Variants in NOL4L observed in about 807,000 individuals in gnomAD.
The protein encoded by NOL4L is nucleolar protein 4-like.
NOL4L carries 7 observed loss-of-function variants against 64.5 expected under a neutral mutation model. That is an observed-to-expected ratio of 0.11 (90% CI 0.06 to 0.20). The LOEUF is 0.20. Ranked by LOEUF, NOL4L falls within the 10% of genes least tolerant of loss-of-function variation. NOL4L has a pLI of 1.00. For synonymous variants in NOL4L, 413 were observed against 401.0 expected (o/e 1.03, Z -0.36); for missense variants, 680 against 967.1 (o/e 0.70, Z 3.94).
At chr20:32,518,875 C>G (rs2017797940) in intron 3 of NOL4L, among the ~76,000 whole-genome samples, 1 of 152,238 alleles carries the variant, frequency 6.6e-6, no homozygotes, top group Non-Finnish European at 1.5e-5. Flanking sequence ...TGGCCAGGGG[C>G]AGCCCACGTG....
intron 1 of NOL4L, among the ~76,000 whole-genome samples, chr20:32,534,759 T>C (rs760644845): frequency 2.6e-5 from 4 of 150,972 alleles, no homozygotes; most frequent in Admixed American, 6.6e-5. Flanking sequence ...CATTCGACTG[T>C]AGTCCCAGGT....
At chr20:32,477,078 G>A (rs570511981) in intron 4 of NOL4L, among the ~76,000 whole-genome samples, 5 of 152,314 alleles carry the variant, frequency 3.3e-5, no homozygotes, top group Admixed American at 6.5e-5. Context: ...TGGCAGGGCC[G>A]TACCTGCCAT....
At chr20:32,550,757 G>C (rs2018790024) in intron 1 of NOL4L, among the ~76,000 whole-genome samples, 1 of 152,122 alleles carries the variant, frequency 6.6e-6, no homozygotes, top group Non-Finnish European at 1.5e-5. Context: ...GCGTGTGCCT[G>C]TAATCCCAGC....
chr20:32,562,733 G>A (rs1426170319), intron 1 of NOL4L, among the ~76,000 whole-genome samples: 4 of 151,530 alleles, frequency 2.6e-5, no homozygotes, highest in South Asian at 2.1e-4. Context: ...ACAGCTTCCC[G>A]GCTGGCACTC....
chr20:32,468,521 C>T (rs961452170), intron 5 of NOL4L, among the ~76,000 whole-genome samples: 2 of 152,164 alleles, frequency 1.3e-5, no homozygotes, highest in East Asian at 3.9e-4. Flanking sequence ...AGTGCTAGGG[C>T]CTGGGGATAA....
chr20:32,513,229 C>T (rs1008152196), intron 3 of NOL4L, among the ~76,000 whole-genome samples: 7 of 152,094 alleles, frequency 4.6e-5, no homozygotes, highest in Non-Finnish European at 8.8e-5. Context: ...GTGACAGGGC[C>T]GAGGTCCAGG....
intron 1 of NOL4L, chr20:32,535,823 G>T (rs1401681125): frequency 1.7e-5 from 17 of 985,576 alleles, no homozygotes; most frequent in Non-Finnish European, 2.0e-5. Context: ...AGAAGGAGAG[G>T]GGCTGGGGAA....
chr20:32,459,013 C>G (rs1055458119), intron 5 of NOL4L, among the ~76,000 whole-genome samples: 1 of 152,250 alleles, frequency 6.6e-6, no homozygotes, highest in Non-Finnish European at 1.5e-5. Flanking sequence ...GGCTGTGCCC[C>G]CGGCTGCCTG....
chr20:32,494,253 GA>G (rs566317193), intron 4 of NOL4L, among the ~76,000 whole-genome samples: 23 of 22,060 alleles, frequency 1.0e-3, no homozygotes, highest in Non-Finnish European at 1.6e-3. Flanking sequence ...ATAATCTCGG[GA>G]AAAAAAAAAA....
intron 3 of NOL4L, 130 bp from the exon 4 acceptor site, chr20:32,511,586 A>C: frequency 1.7e-6 from 1 of 574,738 alleles, no homozygotes; most frequent in Non-Finnish European, 3.1e-6. Flanking sequence ...GAGGTCGCAG[A>C]CTCTGTGGCT....
intron 5 of NOL4L, among the ~76,000 whole-genome samples, chr20:32,467,968 C>G (rs1292808124): frequency 2.6e-5 from 4 of 152,158 alleles, no homozygotes; most frequent in Non-Finnish European, 5.9e-5. Flanking sequence ...GCCCTGCTGC[C>G]CAGTTTGCAT....
intron 4 of NOL4L, among the ~76,000 whole-genome samples, chr20:32,492,026 G>C (rs1381291228): frequency 6.6e-6 from 1 of 152,174 alleles, no homozygotes; most frequent in Non-Finnish European, 1.5e-5. Flanking sequence ...TGGGAGGATT[G>C]CTTGAGCCTG....
chr20:32,458,650 C>T (rs1351380342), intron 5 of NOL4L, among the ~76,000 whole-genome samples: 1 of 152,240 alleles, frequency 6.6e-6, no homozygotes, highest in Non-Finnish European at 1.5e-5. Flanking sequence ...ATACCGACAC[C>T]ACCCTCACAG....
In NOL4L at chr20:32,464,712, G is replaced by A. The variant is rs2014393752; in HGVS notation, c.842-8317C>T. ...AGCACTGTCCGACAGAAACAGAGTG[G>A]GAGCCGCATGAGGGATTTGAGTGCC... On this transcript the variant is annotated intron_variant, in intron 5 of 10. Transcript: ENST00000621426. This position sits in a 1 kb window ranked among gnomAD's most constrained non-coding sequence, Gnocchi z 5.6. 1 of 270,860 alleles carries A rather than the reference G, an allele frequency of 3.7e-6. No homozygotes were observed. Among genetic ancestry groups the A allele is most frequent in the African/African-American group, 2.2e-5 (1 of 45,952 alleles). 16.8% of individuals were successfully genotyped at this position (270,860 alleles called of 1,614,324 possible).
chr20:32,554,124 T>C (rs1186179674), intron 1 of NOL4L, among the ~76,000 whole-genome samples: 1 of 151,836 alleles, frequency 6.6e-6, no homozygotes, highest in Admixed American at 6.6e-5. Context: ...ATCGAGACCA[T>C]CCTGGCTAAC....
At chr20:32,458,198 C>T (rs1275290549) in intron 5 of NOL4L, among the ~76,000 whole-genome samples, 1 of 152,200 alleles carries the variant, frequency 6.6e-6, no homozygotes, top group African/African-American at 2.4e-5. Flanking sequence ...AAGAGTCCGG[C>T]CCACAGCCAC....
At chr20:32,534,176 A>T (rs1180914287) in intron 1 of NOL4L, among the ~76,000 whole-genome samples, 1 of 152,224 alleles carries the variant, frequency 6.6e-6, no homozygotes, top group Non-Finnish European at 1.5e-5. Context: ...GATGCGGCTA[A>T]ATAGCGGAGA....
chr20:32,550,966 G>T (rs528450007), intron 1 of NOL4L, among the ~76,000 whole-genome samples: 5 of 152,040 alleles, frequency 3.3e-5, no homozygotes, highest in Non-Finnish European at 7.4e-5. Flanking sequence ...TGAGACAGAA[G>T]AATTACTTGA....
chr20:32,512,017 A>G (rs1006021359), intron 3 of NOL4L, among the ~76,000 whole-genome samples: 4 of 152,088 alleles, frequency 2.6e-5, no homozygotes, highest in African/African-American at 4.8e-5. Flanking sequence ...TATCTCTAAA[A>G]AACAAACAAA....
Sources: gnomAD v4.1 joint callset for allele counts (sites outside exome capture counted in the v4.1 genomes callset) on GRCh38, gnomAD v4.1.1 for gene constraint, Gnocchi (gnomAD v3.1) non-coding constraint, MANE v1.5 for transcripts, NCBI Gene and HGNC (gene_info 2026-07-23, HGNC 2026-07-21) for gene names.